The following GRIK4 variants were observed in gnomAD, a reference collection of about 807,000 sequenced individuals.
GRIK4 encodes the protein glutamate ionotropic receptor kainate type subunit 4.
In GRIK4, 40 loss-of-function variants were observed where a neutral mutation model predicts 104.9. The observed-to-expected ratio is 0.38, with a 90% CI of 0.30 to 0.50. GRIK4 has a LOEUF of 0.50. Ranked by LOEUF, GRIK4 falls within the 20% of genes least tolerant of loss-of-function variation. The pLI, the probability that GRIK4 is intolerant of heterozygous loss-of-function variation, is 0.93. For synonymous variants in GRIK4, 485 were observed against 524.9 expected (o/e 0.92, Z 1.04); for missense variants, 1,047 against 1,308.1 (o/e 0.80, Z 3.08).
chr11:120,867,212 C>T (rs1954445208), intron 9 of GRIK4, among the ~76,000 whole-genome samples: 1 of 152,164 alleles, frequency 6.6e-6, no homozygotes, highest in African/African-American at 2.4e-5. Flanking sequence ...CAACACACCT[C>T]TCTCAAGGCT....
At chr11:120,891,652 AG>A (rs1955300186) in intron 11 of GRIK4, among the ~76,000 whole-genome samples, 1 of 152,212 alleles carries the variant, frequency 6.6e-6, no homozygotes. Context: ...TAGGGATAAA[AG>A]GGCAGTCAAA....
At chr11:120,974,052 C>A (rs1006857608) in intron 19 of GRIK4, among the ~76,000 whole-genome samples, 1 of 152,056 alleles carries the variant, frequency 6.6e-6, no homozygotes, top group Non-Finnish European at 1.5e-5. Context: ...GGATTACAGG[C>A]GCATGCCACC....
chr11:120,944,926 G>T (rs1943821215), intron 14 of GRIK4, among the ~76,000 whole-genome samples: 2 of 151,876 alleles, frequency 1.3e-5, no homozygotes, highest in East Asian at 1.9e-4. Context: ...ACAATAAAGT[G>T]TTAGCTATTA....
Position 120,905,571 on chromosome 11 carries a change from C to T in GRIK4, c.1476+78C>T, listed in dbSNP as rs1392768117. The T allele has an allele frequency of 7.6e-6, 7 of 916,220 alleles. No individual in the cohort carries two copies. Among genetic ancestry groups the T allele is most frequent in the Admixed American group, 3.5e-5 (2 of 57,076 alleles). 56.8% of individuals were successfully genotyped at this position (916,220 alleles called of 1,614,324 possible). A position where few individuals can be genotyped will look rare whatever the true frequency, so the allele number is the denominator to read the frequency against. On this transcript the variant is annotated intron_variant, in intron 13 of 20. Coordinates refer to ENST00000527524, the MANE Select transcript of GRIK4 (RefSeq NM_014619.5). The surrounding 1 kb of genome is among the most constrained non-coding windows in gnomAD (Gnocchi z 5.1). The stretch of plus-strand genomic sequence containing the variant: ...AGAGCATGAGGTTGTGCTGCACGCT[C>T]ATGAACCCTCCATTTGTTCAGTCAA...
intron 1 of GRIK4, among the ~76,000 whole-genome samples, chr11:120,620,944 A>G (rs1426144103): frequency 2.6e-5 from 4 of 152,204 alleles, no homozygotes; most frequent in Admixed American, 2.6e-4. Context: ...GAGAGCAGTT[A>G]AGTCACTTGC....
At chr11:120,814,674 C>T (rs1040603442) in intron 4 of GRIK4, among the ~76,000 whole-genome samples, 3 of 151,252 alleles carry the variant, frequency 2.0e-5, no homozygotes, top group Non-Finnish European at 2.9e-5. Flanking sequence ...GACAGGTGAG[C>T]GAGTGTTCAG....
intron 3 of GRIK4, among the ~76,000 whole-genome samples, chr11:120,747,401 G>C (rs200768825): frequency 6.6e-6 from 1 of 152,124 alleles, no homozygotes; most frequent in Admixed American, 6.5e-5. Context: ...CTCCTCCCCC[G>C]CTAGGGTGTG....
At chr11:120,628,214 A>C (rs1949285395) in intron 1 of GRIK4, among the ~76,000 whole-genome samples, 1 of 151,376 alleles carries the variant, frequency 6.6e-6, no homozygotes. Flanking sequence ...GGCTGAGTGC[A>C]CTCTGTCCCT....
chr11:120,614,584 A>G (rs892411028), intron 1 of GRIK4, among the ~76,000 whole-genome samples: 1 of 152,222 alleles, frequency 6.6e-6, no homozygotes, highest in African/African-American at 2.4e-5. Flanking sequence ...TGGCCATTGC[A>G]GTGAAGACAT....
At chr11:120,906,957 C>T (rs574697021) in intron 13 of GRIK4, among the ~76,000 whole-genome samples, 13 of 152,266 alleles carry the variant, frequency 8.5e-5, no homozygotes, top group African/African-American at 2.6e-4. Context: ...CTGCAGAAGG[C>T]CTAGGGAGCC....
rs779754840 is a variant in GRIK4, at chr11:120,874,033, C to G, written c.907-33C>G. The G allele has an allele frequency of 6.3e-6, 10 of 1,581,276 alleles. No individual in the cohort carries two copies. The East Asian group carries it at 2.3e-4, about 36-fold the overall frequency. On this transcript the variant is annotated intron_variant, in intron 9 of 20. Transcript: ENST00000527524. ...CCTTTCTTCCTCTACACCTCTCACT[C>G]CCTCCCTCCGCCTGCTCCCCGGCCT...
At chr11:120,711,988 A>G (rs1279260285) in intron 3 of GRIK4, among the ~76,000 whole-genome samples, 2 of 152,118 alleles carry the variant, frequency 1.3e-5, no homozygotes, top group Non-Finnish European at 2.9e-5. Flanking sequence ...ATTATTATAC[A>G]CTGCACTGTG....
intron 1 of GRIK4, among the ~76,000 whole-genome samples, chr11:120,642,905 C>T (rs1949488526): frequency 6.6e-6 from 1 of 152,206 alleles, no homozygotes; most frequent in South Asian, 2.1e-4. Flanking sequence ...CCTGAGGCTG[C>T]ACTTCCCCCA....
chr11:120,825,935 G>A (rs891940978), intron 6 of GRIK4, among the ~76,000 whole-genome samples: 2 of 152,176 alleles, frequency 1.3e-5, no homozygotes, highest in African/African-American at 4.8e-5. Context: ...ATGGTAGTGG[G>A]CCTTCCCTGT....
At chr11:120,541,858 G>A (rs918554026) in intron 1 of GRIK4, among the ~76,000 whole-genome samples, 1 of 151,920 alleles carries the variant, frequency 6.6e-6, no homozygotes, top group African/African-American at 2.4e-5. Context: ...TGGATTAGAA[G>A]AATTAATATT....
intron 7 of GRIK4, among the ~76,000 whole-genome samples, chr11:120,834,718 G>T (rs1015945632): frequency 6.6e-6 from 1 of 152,188 alleles, no homozygotes; most frequent in Admixed American, 6.5e-5. Context: ...GATTTCAGGA[G>T]GATTTGCAGA....
chr11:120,645,210 C>G (rs1949527475), intron 1 of GRIK4, among the ~76,000 whole-genome samples: 3 of 152,120 alleles, frequency 2.0e-5, no homozygotes, highest in Admixed American at 2.0e-4. Flanking sequence ...ATCTGTTTCT[C>G]TGCAAAGCCT....
intron 3 of GRIK4, among the ~76,000 whole-genome samples, chr11:120,703,498 G>C (rs1950584229): frequency 1.3e-5 from 2 of 151,950 alleles, no homozygotes; most frequent in Non-Finnish European, 1.5e-5. Flanking sequence ...CCTGAAGCCT[G>C]TTTCTTCCAC....
intron 14 of GRIK4, among the ~76,000 whole-genome samples, chr11:120,941,377 C>T (rs1943719899): frequency 6.6e-6 from 1 of 152,148 alleles, no homozygotes; most frequent in Admixed American, 6.5e-5. Context: ...AAGAAGTGAC[C>T]CCTTGCCAGG....
Sources: gnomAD v4.1 joint callset for allele counts (sites outside exome capture counted in the v4.1 genomes callset) on GRCh38, gnomAD v4.1.1 for gene constraint, Gnocchi (gnomAD v3.1) non-coding constraint, MANE v1.5 for transcripts, NCBI Gene and HGNC (gene_info 2026-07-23, HGNC 2026-07-21) for gene names.